ATP9A: variants seen among roughly 807,000 people sequenced by gnomAD.
ATP9A encodes the protein ATPase phospholipid transporting 9A, also known as probable phospholipid-transporting ATPase IIA.
In ATP9A, 52 loss-of-function variants were observed where a neutral mutation model predicts 144.1. That is an observed-to-expected ratio of 0.36 (90% CI 0.29 to 0.45). The LOEUF is 0.45. ATP9A is among the 20% of genes least tolerant of loss of function. The pLI, the probability that ATP9A is intolerant of heterozygous loss-of-function variation, is 1.00. For synonymous variants in ATP9A, 582 were observed against 557.4 expected, an observed-to-expected ratio of 1.04 and a Z score of -0.62; for missense variants, 947 against 1,392.7, an observed-to-expected ratio of 0.68 and a Z score of 5.09.
chr20:51,613,505 G>A (rs979667686), intron 23 of ATP9A, among the ~76,000 whole-genome samples, 172 bp downstream of exon 23: 3 of 152,178 alleles, frequency 2.0e-5, no homozygotes, highest in African/African-American at 7.2e-5. Flanking sequence ...CAGCCAGGTG[G>A]GGGATTTAAA....
intron 1 of ATP9A, among the ~76,000 whole-genome samples, chr20:51,747,887 G>C (rs908638247): frequency 6.6e-6 from 1 of 152,140 alleles, no homozygotes; most frequent in Non-Finnish European, 1.5e-5. Flanking sequence ...GCCAAGGCAG[G>C]CATGCCCCGG....
intron 15 of ATP9A, among the ~76,000 whole-genome samples, chr20:51,633,810 G>T (rs1303757487): frequency 1.3e-5 from 2 of 148,372 alleles, no homozygotes; most frequent in African/African-American, 5.0e-5. Context: ...AAGAAAGAAA[G>T]GACAGAAGAA....
At chr20:51,648,695 G>T (rs1321981409) in intron 14 of ATP9A, among the ~76,000 whole-genome samples, 2 of 152,092 alleles carry the variant, frequency 1.3e-5, no homozygotes, top group African/African-American at 4.8e-5. Flanking sequence ...ATCCAGGTGT[G>T]GTGGTGTGCG....
At chr20:51,768,272 A>G in intron 1 of ATP9A, 30 bp downstream of exon 1, 1 of 1,240,246 alleles carries the variant, frequency 8.1e-7, no homozygotes, top group South Asian at 3.3e-5. Context: ...AGGCGCGGAC[A>G]AAGGAAAACA....
intron 24 of ATP9A, among the ~76,000 whole-genome samples, chr20:51,609,872 A>G (rs2122710812): frequency 6.6e-6 from 1 of 152,260 alleles, no homozygotes; most frequent in South Asian, 2.1e-4. Flanking sequence ...AGTGCAACAC[A>G]CCACACACAT....
intron 15 of ATP9A, among the ~76,000 whole-genome samples, chr20:51,632,377 A>G (rs561393482): frequency 7.8e-4 from 119 of 152,348 alleles, no homozygotes; most frequent in African/African-American, 2.7e-3. Context: ...TACCAAGCCT[A>G]GGAGAAGTTT....
intron 14 of ATP9A, among the ~76,000 whole-genome samples, chr20:51,641,305 G>A (rs1266349677): frequency 6.6e-6 from 1 of 152,014 alleles, no homozygotes; most frequent in East Asian, 1.9e-4. Context: ...GTTGCAGTGA[G>A]TAGAGATCGC....
chr20:51,609,703 T>TA (rs1367836357), intron 24 of ATP9A, among the ~76,000 whole-genome samples: 4 of 152,348 alleles, frequency 2.6e-5, no homozygotes, highest in Non-Finnish European at 4.4e-5. Flanking sequence ...ATGGGACTTC[T>TA]ACTGGGCTCA....
In ATP9A at chr20:51,597,378, A is replaced by G. The variant is rs1158418546; in HGVS notation, c.*3833T>C. 4 of 152,228 alleles carry G rather than the reference A, an allele frequency of 2.6e-5. No individual in the cohort carries two copies. The highest frequency in any genetic ancestry group is 1.9e-4 in the East Asian group (1 of 5,202). The allele number at this position is 152,228 out of a possible 1,614,324, so 9.4% of individuals were successfully genotyped here. Reference sequence around the variant, plus strand: ...ATAAGTGGCAAAAAAGCTGTACATTAAAAGAAGGGGGAGAAATAAAATGTG... The same window carrying G: ...ATAAGTGGCAAAAAAGCTGTACATTGAAAGAAGGGGGAGAAATAAAATGTG... On this transcript the variant is annotated 3_prime_UTR_variant, in exon 28 of 28. Coordinates refer to ENST00000338821, the MANE Select transcript of ATP9A (RefSeq NM_006045.3).
chr20:51,614,809 C>T (rs2077196878), intron 22 of ATP9A, among the ~76,000 whole-genome samples: 1 of 152,070 alleles, frequency 6.6e-6, no homozygotes, highest in African/African-American at 2.4e-5. Flanking sequence ...AAAAATGTCA[C>T]TGACATGAAA....
At chr20:51,704,182 T>TAAAAAAA (rs11086355) in intron 4 of ATP9A, among the ~76,000 whole-genome samples, 1 of 130,506 alleles carries the variant, frequency 7.7e-6, no homozygotes, top group African/African-American at 2.8e-5. Context: ...AGTGGGAACT[T>TAAAAAAA]AAAAAAAAAA....
intron 11 of ATP9A, among the ~76,000 whole-genome samples, chr20:51,673,073 A>T (rs1259051469): frequency 6.6e-6 from 1 of 152,032 alleles, no homozygotes; most frequent in Non-Finnish European, 1.5e-5. Flanking sequence ...TCTATTATTT[A>T]TATCACTTTA....
intron 15 of ATP9A, among the ~76,000 whole-genome samples, chr20:51,630,797 G>A (rs377003196): frequency 2.6e-5 from 4 of 152,126 alleles, no homozygotes; most frequent in East Asian, 3.9e-4. Flanking sequence ...TTAATTCACC[G>A]TCCTTCACAT....
chr20:51,613,354 C>T (rs1185484172), intron 23 of ATP9A, among the ~76,000 whole-genome samples: 2 of 152,170 alleles, frequency 1.3e-5, no homozygotes, highest in Admixed American at 6.5e-5. Context: ...CTCCACTTGC[C>T]CCATGCCAGG....
chr20:51,607,689 T>C, intron 25 of ATP9A, 105 bp from the exon 26 acceptor site: 3 of 797,388 alleles, frequency 3.8e-6, no homozygotes, highest in South Asian at 3.1e-5. Context: ...AGGCAACCCA[T>C]CTGTCTTCAT....
chr20:51,645,095 T>C (rs1039141235), intron 14 of ATP9A, among the ~76,000 whole-genome samples: 1 of 152,168 alleles, frequency 6.6e-6, no homozygotes, highest in Non-Finnish European at 1.5e-5. Flanking sequence ...TGAGGAAAGA[T>C]CAATTACAGC....
At chr20:51,700,782 T>C (rs2077590159) in intron 4 of ATP9A, among the ~76,000 whole-genome samples, 1 of 152,048 alleles carries the variant, frequency 6.6e-6, no homozygotes, top group Non-Finnish European at 1.5e-5. Context: ...GTGAGCCCAG[T>C]TCGCACCACT....
chr20:51,710,386 TG>T (rs369201085), intron 4 of ATP9A, among the ~76,000 whole-genome samples: 37 of 152,330 alleles, frequency 2.4e-4, no homozygotes, highest in African/African-American at 8.9e-4. Context: ...CATTTTGCTT[TG>T]GAACTTACTA....
intron 21 of ATP9A, among the ~76,000 whole-genome samples, chr20:51,618,145 G>A (rs529162823): frequency 6.6e-5 from 10 of 151,954 alleles, no homozygotes; most frequent in East Asian, 1.9e-4. Context: ...ACTTGAACCC[G>A]GGAGACGGAG....
Sources: gnomAD v4.1 joint callset for allele counts (sites outside exome capture counted in the v4.1 genomes callset) on GRCh38, gnomAD v4.1.1 for gene constraint, MANE v1.5 for transcripts, NCBI Gene and HGNC (gene_info 2026-07-23, HGNC 2026-07-21) for gene names.